Variants in SPDYA observed in about 807,000 individuals in gnomAD.
SPDYA encodes the protein speedy/RINGO cell cycle regulator family member A, also known as speedy protein A.
Under a neutral mutation model 36.7 loss-of-function variants are expected in SPDYA, and 11 were observed. The ratio of observed to expected loss-of-function variants is 0.30; its 90% CI spans 0.19 to 0.50. SPDYA has a LOEUF of 0.50. Ranked by LOEUF, SPDYA falls within the 20% of genes least tolerant of loss-of-function variation. The probability of loss-of-function intolerance (pLI) is 0.98; values close to 1 mark genes in which losing one functional copy is unlikely to be tolerated. For missense variants in SPDYA, 287 were observed against 370.9 expected, an observed-to-expected ratio of 0.77 and a Z score of 1.86; for synonymous variants, 115 against 118.7, an observed-to-expected ratio of 0.97 and a Z score of 0.20.
Position 28,816,196 on chromosome 2 carries a change from G to A in SPDYA, c.182G>A (p.Gly61Glu), listed in dbSNP as rs778867892. The A allele has an allele frequency of 6.2e-7, 1 of 1,613,790 alleles. No individual in the cohort carries two copies. Among genetic ancestry groups the A allele is most frequent in the South Asian group, 1.1e-5 (1 of 91,036 alleles). ...HNNNKSKRPKGPCLVIQRQDM... is the reference protein window; with the variant it reads ...HNNNKSKRPKEPCLVIQRQDM... ...AACAACAAATCTAAACGCCCCAAAGGACCTTGTCTGGTTATACAGCGTCAG... is the reference window on the plus strand; with the variant it reads ...AACAACAAATCTAAACGCCCCAAAGAACCTTGTCTGGTTATACAGCGTCAG... Residue 61 changes from glycine (G) to glutamate (E), a missense_variant, in exon 3 of 8, where the codon GGA becomes GAA. By Grantham distance (98) the Gly-to-Glu change is moderately conservative. Coordinates refer to ENST00000334056, the MANE Select transcript of SPDYA (RefSeq NM_182756.4).
At chr2:28,825,158 C>T (rs1397415800) in intron 5 of SPDYA, among the ~76,000 whole-genome samples, 1 of 152,020 alleles carries the variant, frequency 6.6e-6, no homozygotes, top group African/African-American at 2.4e-5. Context: ...TGACCAAATT[C>T]AGCCATCAAC....
Position 28,850,549 on chromosome 2 carries a change from AGTT to A in SPDYA, c.*609_*611del. On this transcript the variant is annotated 3_prime_UTR_variant, in exon 8 of 8. Transcript: ENST00000334056. ...GCATATGTTTTAGAGCTACTCTGCC[AGTT>A]ATTATACAGAAACTATTTGTCAATG... 2 of 596,216 alleles carry A rather than the reference AGTT, an allele frequency of 3.4e-6. No individual in the cohort carries two copies. Among genetic ancestry groups the A allele is most frequent in the Non-Finnish European group, 5.9e-6 (2 of 338,798 alleles). The allele number at this position is 596,216 out of a possible 1,614,324, so 36.9% of individuals were successfully genotyped here. A position where few individuals can be genotyped will look rare whatever the true frequency, so the allele number is the denominator to read the frequency against.
At chr2:28,815,172 C>T (rs889485003) in intron 2 of SPDYA, among the ~76,000 whole-genome samples, 4 of 151,710 alleles carry the variant, frequency 2.6e-5, no homozygotes, top group African/African-American at 9.7e-5. Flanking sequence ...GTCCCAACTA[C>T]AAGGGAAGCT....
chr2:28,823,718 TATATATATATATATATATATATATATAA>T (rs1220962444), intron 5 of SPDYA, among the ~76,000 whole-genome samples: 21 of 100,224 alleles, frequency 2.1e-4, no homozygotes, highest in African/African-American at 7.6e-4. Context: ...TATATATATA[TATATATATATATATATATATATATATAA>T]AATTTTTTTT....
intron 5 of SPDYA, among the ~76,000 whole-genome samples, chr2:28,823,741 A>ATATG (rs1300476213): frequency 9.2e-5 from 5 of 54,102 alleles, no homozygotes; most frequent in Admixed American, 5.9e-4. Context: ...ATATATATAT[A>ATATG]TATAAAATTT....
At position 28,850,093 on chromosome 2, in the gene SPDYA, C is replaced by A. The variant is rs567247641; in HGVS notation, c.*152C>A. On this transcript the variant is annotated 3_prime_UTR_variant, in exon 8 of 8. Coordinates refer to ENST00000334056, the MANE Select transcript of SPDYA (RefSeq NM_182756.4). ...AATTATATGTATAAGTTATATAAGT[C>A]ATAGTAATAGCTAAAAATGCCAATC... The A allele has an allele frequency of 9.1e-6, 11 of 1,209,796 alleles. No homozygotes were observed. Among genetic ancestry groups the A allele is most frequent in the African/African-American group, 6.2e-5 (4 of 64,860 alleles). The allele number at this position is 1,209,796 out of a possible 1,614,324, so 74.9% of individuals were successfully genotyped here. A position where few individuals can be genotyped will look rare whatever the true frequency, so the allele number is the denominator to read the frequency against.
At chr2:28,826,383 C>T (rs1426709809) in intron 5 of SPDYA, among the ~76,000 whole-genome samples, 2 of 152,050 alleles carry the variant, frequency 1.3e-5, no homozygotes, top group Non-Finnish European at 1.5e-5. Flanking sequence ...GTAATCCACC[C>T]GCCTAAGCCT....
At chr2:28,829,533 A>G (rs956298046) in intron 6 of SPDYA, among the ~76,000 whole-genome samples, 1 of 151,944 alleles carries the variant, frequency 6.6e-6, no homozygotes, top group Non-Finnish European at 1.5e-5. Context: ...TCAACCGGGC[A>G]AGCCCTGCTC....
chr2:28,812,886 G>C (rs1667886541), intron 1 of SPDYA, among the ~76,000 whole-genome samples: 5 of 145,528 alleles, frequency 3.4e-5, no homozygotes, highest in Admixed American at 3.4e-4. Context: ...AAAATTAAAG[G>C]ATTTTACCTG....
chr2:28,834,896 C>T (rs1459758841), intron 6 of SPDYA, among the ~76,000 whole-genome samples: 3 of 152,130 alleles, frequency 2.0e-5, no homozygotes, highest in African/African-American at 7.2e-5. Flanking sequence ...AAAGTAGTTC[C>T]TCCCACTATT....
chr2:28,823,746 A>AT (rs1558324099), intron 5 of SPDYA, among the ~76,000 whole-genome samples: 30 of 30,700 alleles, frequency 9.8e-4, no homozygotes, highest in South Asian at 2.6e-3. Flanking sequence ...TATATATATA[A>AT]AATTTTTTTT....
chr2:28,836,676 ATTTTTTCCCC>A (rs1196111090), intron 6 of SPDYA, among the ~76,000 whole-genome samples: 1 of 152,074 alleles, frequency 6.6e-6, no homozygotes, highest in Non-Finnish European at 1.5e-5. Flanking sequence ...GCTCAATGAA[ATTTTTTCCCC>A]TTTTTTCTCA....
At chr2:28,829,742 G>C (rs1333851943) in intron 6 of SPDYA, among the ~76,000 whole-genome samples, 2 of 151,898 alleles carry the variant, frequency 1.3e-5, no homozygotes, top group Admixed American at 1.3e-4. Flanking sequence ...AGGAGATCAA[G>C]ACCATCCTGG....
At chr2:28,818,180 A>G (rs1274969830) in intron 3 of SPDYA, among the ~76,000 whole-genome samples, 1 of 152,180 alleles carries the variant, frequency 6.6e-6, no homozygotes, top group East Asian at 1.9e-4. Context: ...AAGGAAAAAA[A>G]GTTAGCAAGG....
At chr2:28,848,796 C>T (rs534322014) in intron 7 of SPDYA, among the ~76,000 whole-genome samples, 2 of 152,212 alleles carry the variant, frequency 1.3e-5, no homozygotes, top group East Asian at 3.9e-4. Flanking sequence ...ATAATCCCAG[C>T]ACTTTGGGAG....
intron 7 of SPDYA, among the ~76,000 whole-genome samples, chr2:28,844,514 G>C (rs776384130): frequency 6.6e-6 from 1 of 152,140 alleles, no homozygotes; most frequent in Non-Finnish European, 1.5e-5. Flanking sequence ...ACTGATTTTC[G>C]ACAGTGTACC....
chr2:28,829,317 G>C lies in SPDYA; in HGVS notation c.550G>C (p.Glu184Gln), dbSNP rs1311576128. 2.5e-6 allele frequency: 4 copies of C among 1,602,446 alleles called. No individual in the cohort carries two copies. Among genetic ancestry groups the C allele is most frequent in the Middle Eastern group, 1.7e-4 (1 of 6,018 alleles). ...RAIVSRRCCE[E>Q]VMAIAPTHYI... ...TATTGTAAGCAGGCGATGTTGTGAG[G>C]AGGTAAGAATTTTAAAATGCTTTAT... The change falls in exon 6 of 8, where the codon GAG becomes CAG. Residue 184 changes from glutamate (E) to glutamine (Q), a missense_variant and splice_region_variant. Transcript: ENST00000334056.
chr2:28,835,070 T>C (rs1207770530), intron 6 of SPDYA, among the ~76,000 whole-genome samples: 1 of 152,090 alleles, frequency 6.6e-6, no homozygotes, highest in African/African-American at 2.4e-5. Context: ...TTGTTTTGTT[T>C]TTGTTTTTGA....
intron 5 of SPDYA, among the ~76,000 whole-genome samples, chr2:28,827,672 T>C (rs116007614): frequency 1.4e-3 from 212 of 152,344 alleles, no homozygotes; most frequent in African/African-American, 4.9e-3. Context: ...TTTTAAGATT[T>C]ACTCTTTATC....
Sources: allele counts gnomAD v4.1 joint callset (sites outside exome capture counted in the v4.1 genomes callset), GRCh38; gene constraint gnomAD v4.1.1; transcripts MANE v1.5; gene names NCBI Gene and HGNC (gene_info 2026-07-23, HGNC 2026-07-21).